The following TMEM273 variants were observed in gnomAD, a reference collection of about 807,000 sequenced individuals.
TMEM273 encodes chromosome 10 open reading frame 128.
In TMEM273, 19 loss-of-function variants were observed where a neutral mutation model predicts 17.9. That is an observed-to-expected ratio of 1.06 (90% CI 0.74 to 1.55). TMEM273 has a LOEUF of 1.55. Among genes scored for constraint, TMEM273 ranks in the 40% most tolerant of loss-of-function variants. The pLI is 0.00. For missense variants in TMEM273, 194 were observed against 155.6 expected (o/e 1.25, Z -1.31); for synonymous variants, 66 against 62.0 (o/e 1.07, Z -0.31).
intron 1 of TMEM273, among the ~76,000 whole-genome samples, chr10:49,168,439 C>G (rs1173489527): frequency 1.3e-5 from 2 of 152,150 alleles, no homozygotes; most frequent in African/African-American, 4.8e-5. Flanking sequence ...TCCCAGTGTG[C>G]TCCGTAGCCG....
At chr10:49,177,022 G>T (rs1437176055) in intron 1 of TMEM273, among the ~76,000 whole-genome samples, 1 of 152,192 alleles carries the variant, frequency 6.6e-6, no homozygotes, top group African/African-American at 2.4e-5. Context: ...AGAGGGGGAG[G>T]TGCAGCCCTG....
intron 1 of TMEM273, among the ~76,000 whole-genome samples, chr10:49,169,762 G>A (rs901129122): frequency 1.4e-4 from 21 of 152,100 alleles, no homozygotes; most frequent in African/African-American, 4.3e-4. Flanking sequence ...ACATCGTTCC[G>A]GACATGGGGC....
rs75564683 is a variant in TMEM273, at chr10:49,158,522, A to G, written c.373-2613T>C. Among the ~76,000 whole-genome samples, 86 of 152,358 alleles carry G rather than the reference A, an allele frequency of 5.6e-4. 2 individuals are homozygous for G. The East Asian group carries it at 0.015, about 27-fold the overall frequency. On this transcript the variant is annotated intron_variant, in intron 6 of 6. Coordinates refer to ENST00000374153, the MANE Select transcript of TMEM273 (RefSeq NM_001288740.3). ...AAAGAATAGCTGGAATAAAATAGCAAGAATGTCCCCTGCAAAGGAAGCACA... is the reference window on the plus strand; with the variant it reads ...AAAGAATAGCTGGAATAAAATAGCAGGAATGTCCCCTGCAAAGGAAGCACA...
At chr10:49,173,831 AT>A (rs1846751817) in intron 1 of TMEM273, among the ~76,000 whole-genome samples, 1 of 152,170 alleles carries the variant, frequency 6.6e-6, no homozygotes, top group South Asian at 2.1e-4. Context: ...GGAGCTCAGG[AT>A]CCAAGTACAG....
At chr10:49,167,647 G>T (rs1388380009) in intron 2 of TMEM273, among the ~76,000 whole-genome samples, 1 of 152,246 alleles carries the variant, frequency 6.6e-6, no homozygotes. Flanking sequence ...CCATGGCTGT[G>T]GGACAGGGCT....
At chr10:49,159,857 T>G (rs1490304161) in intron 6 of TMEM273, among the ~76,000 whole-genome samples, 1 of 152,152 alleles carries the variant, frequency 6.6e-6, no homozygotes, top group African/African-American at 2.4e-5. Flanking sequence ...GCTCAAAGAC[T>G]AATGGGTTCT....
In TMEM273 at chr10:49,166,256, CTGCACT is replaced by C. The variant is rs1486080099; in HGVS notation, c.239-466_239-461del. ...CTGAGAGAAGGGATGCAAATCAATA[CTGCACT>C]TTGGGTGCCAAGGAGGCAGAGGGCT... On this transcript the variant is annotated intron_variant, in intron 3 of 6. Coordinates refer to ENST00000374153, the MANE Select transcript of TMEM273 (RefSeq NM_001288740.3). Among the ~76,000 whole-genome samples the C allele has an allele frequency of 9.2e-3, 1,402 of 152,328 alleles. 17 individuals are homozygous for C. Among genetic ancestry groups the C allele is most frequent in the African/African-American group, 0.032 (1,338 of 41,574 alleles).
intron 5 of TMEM273, among the ~76,000 whole-genome samples, chr10:49,163,257 G>A (rs1458263445): frequency 6.6e-6 from 1 of 152,110 alleles, no homozygotes; most frequent in Non-Finnish European, 1.5e-5. Flanking sequence ...GACAACTTCA[G>A]CCAATGTGGG....
At chr10:49,156,542 C>G (rs574397692) in intron 6 of TMEM273, among the ~76,000 whole-genome samples, 1 of 152,350 alleles carries the variant, frequency 6.6e-6, no homozygotes, top group East Asian at 1.9e-4. Context: ...AATTCACACC[C>G]TCACTGTAGT....
chr10:49,156,546 C>T (rs764926224), intron 6 of TMEM273, among the ~76,000 whole-genome samples: 3 of 152,236 alleles, frequency 2.0e-5, no homozygotes, highest in Non-Finnish European at 4.4e-5. Context: ...CACACCCTCA[C>T]TGTAGTTTCA....
At chr10:49,171,404 G>A (rs1022942815) in intron 1 of TMEM273, among the ~76,000 whole-genome samples, 2 of 152,226 alleles carry the variant, frequency 1.3e-5, no homozygotes, top group Admixed American at 1.3e-4. Flanking sequence ...AGATGCGGGG[G>A]CTTTCCACAG....
intron 6 of TMEM273, among the ~76,000 whole-genome samples, chr10:49,159,696 TAAAAG>T (rs1474924225): frequency 6.6e-6 from 1 of 150,562 alleles, no homozygotes. Context: ...AAAATTAAAA[TAAAAG>T]AGAGAGAGAG....
chr10:49,183,397 A>G (rs2377949), intron 1 of TMEM273, among the ~76,000 whole-genome samples: 30,133 of 151,926 alleles, frequency 0.2, 4,154 homozygotes, highest in East Asian at 0.63. Context: ...AGAAAGAGAA[A>G]GAGGCAATAT....
chr10:49,179,654 GGCA>G (rs1270044546), intron 1 of TMEM273, among the ~76,000 whole-genome samples: 1 of 152,170 alleles, frequency 6.6e-6, no homozygotes, highest in African/African-American at 2.4e-5. Context: ...GAGAGAAGAA[GGCA>G]GACTGGCTAG....
intron 5 of TMEM273, among the ~76,000 whole-genome samples, chr10:49,162,701 C>T (rs1287906721): frequency 6.6e-6 from 1 of 152,154 alleles, no homozygotes; most frequent in Non-Finnish European, 1.5e-5. Context: ...TACCTAAGCA[C>T]CCAGCAGAGG....
chr10:49,184,558 G>A (rs888050569), intron 1 of TMEM273, among the ~76,000 whole-genome samples: 12 of 152,126 alleles, frequency 7.9e-5, no homozygotes, highest in Non-Finnish European at 1.8e-4. Flanking sequence ...TAGTGATTAG[G>A]AACACACAAA....
intron 1 of TMEM273, among the ~76,000 whole-genome samples, chr10:49,173,367 G>A (rs372696279): frequency 1.3e-5 from 2 of 152,206 alleles, no homozygotes; most frequent in East Asian, 3.8e-4. Context: ...GAGAAGGCTG[G>A]CTGTGAAGGA....
chr10:49,177,464 T>G (rs1460917635), intron 1 of TMEM273, among the ~76,000 whole-genome samples: 5 of 152,168 alleles, frequency 3.3e-5, no homozygotes, highest in African/African-American at 4.8e-5. Flanking sequence ...AAAAAAATTC[T>G]TCGCATTTGC....
intron 1 of TMEM273, among the ~76,000 whole-genome samples, chr10:49,185,768 C>A (rs1847626649): frequency 6.6e-6 from 1 of 152,004 alleles, no homozygotes; most frequent in African/African-American, 2.4e-5. Context: ...CACCTGAGGT[C>A]AGGAGTTCAA....
Sources: allele counts gnomAD v4.1 joint callset (sites outside exome capture counted in the v4.1 genomes callset), GRCh38; gene constraint gnomAD v4.1.1; transcripts MANE v1.5; gene names NCBI Gene and HGNC (gene_info 2026-07-23, HGNC 2026-07-21).